Variants in RALGAPA1 observed in about 807,000 individuals in gnomAD.
The protein encoded by RALGAPA1 is Ral GTPase activating protein catalytic subunit alpha 1, also known as ral GTPase-activating protein subunit alpha-1.
In RALGAPA1, 52 loss-of-function variants were observed where a neutral mutation model predicts 269.6. The ratio of observed to expected loss-of-function variants is 0.19; its 90% CI spans 0.15 to 0.24. The LOEUF (loss-of-function observed/expected upper bound fraction) is 0.24, where lower values mean the gene tolerates loss of function less well. RALGAPA1 is among the 10% of genes least tolerant of loss of function. The probability of loss-of-function intolerance (pLI) is 1.00; values close to 1 mark genes in which losing one functional copy is unlikely to be tolerated. For missense variants in RALGAPA1, 1,917 were observed against 3,013.9 expected (o/e 0.64, Z 8.52); for synonymous variants, 817 against 1,008.3 (o/e 0.81, Z 3.60).
rs1053643046 is a variant in RALGAPA1 at position 35,689,202 on chromosome 14, T to G, written c.3209A>C (p.Glu1070Ala). ...TGTTACATCAACACAAGCATCTAAT[T>G]CTGTGGCTGCTTGTCTGTACAGATG... ...RKHLYRQAAT[E>A]LDACVDVTLV... Residue 1070 changes from glutamate to alanine, a missense_variant, in exon 18 of 42, where the codon GAA (glutamate) becomes GCA (alanine). By Grantham distance (107) the Glu-to-Ala change is moderately radical. This residue lies in a region of RALGAPA1 where 615 missense variants were observed against 790.0 expected (regional missense o/e 0.78). Coordinates refer to ENST00000680220, the MANE Select transcript of RALGAPA1 (RefSeq NM_001346249.2). 1.1e-5 allele frequency: 13 copies of G among 1,232,994 alleles called. No homozygotes were observed. The highest frequency in any genetic ancestry group is 1.3e-5 in the Non-Finnish European group (13 of 988,628). The allele number at this position is 1,232,994 out of a possible 1,614,324, so 76.4% of individuals were successfully genotyped here. A position where few individuals can be genotyped will look rare whatever the true frequency, so the allele number is the denominator to read the frequency against.
At chr14:35,547,707 G>C (rs748320665) in intron 41 of RALGAPA1, among the ~76,000 whole-genome samples, 4 of 152,036 alleles carry the variant, frequency 2.6e-5, no homozygotes, top group Non-Finnish European at 5.9e-5. Flanking sequence ...ATTTTGGATA[G>C]TGTCAATCCA....
At chr14:35,693,233 A>G (rs1274553161) in intron 17 of RALGAPA1, among the ~76,000 whole-genome samples, 1 of 151,902 alleles carries the variant, frequency 6.6e-6, no homozygotes, top group African/African-American at 2.4e-5. Flanking sequence ...TAAACAAAAA[A>G]GAATTTTAAA....
intron 17 of RALGAPA1, among the ~76,000 whole-genome samples, chr14:35,698,903 C>T (rs757071346): frequency 7.2e-5 from 11 of 152,114 alleles, no homozygotes; most frequent in Non-Finnish European, 1.3e-4. Flanking sequence ...TGTAGCTAAG[C>T]ATCATACGTA....
At chr14:35,716,530 T>C (rs888430524) in intron 16 of RALGAPA1, among the ~76,000 whole-genome samples, 2 of 151,940 alleles carry the variant, frequency 1.3e-5, no homozygotes, top group African/African-American at 2.4e-5. Context: ...TTATATACCA[T>C]TATATACCTA....
At chr14:35,576,136 C>A (rs1325742878) in intron 37 of RALGAPA1, among the ~76,000 whole-genome samples, 1 of 152,108 alleles carries the variant, frequency 6.6e-6, no homozygotes, top group African/African-American at 2.4e-5. Context: ...GGGTTATTGT[C>A]TCAGTTTACT....
At chr14:35,556,133 T>C (rs2055578487) in intron 39 of RALGAPA1, among the ~76,000 whole-genome samples, 1 of 152,144 alleles carries the variant, frequency 6.6e-6, no homozygotes. Flanking sequence ...GGCAATATCA[T>C]TACACAGGGT....
chr14:35,751,949 C>T, intron 8 of RALGAPA1, 75 bp downstream of exon 8: 1 of 1,517,882 alleles, frequency 6.6e-7, no homozygotes, highest in Non-Finnish European at 8.8e-7. Context: ...CCTGCAGTAA[C>T]AAATGCCAAC....
intron 4 of RALGAPA1, among the ~76,000 whole-genome samples, chr14:35,768,450 G>A (rs1048365726): frequency 2.6e-5 from 4 of 152,148 alleles, no homozygotes; most frequent in African/African-American, 9.7e-5. Context: ...AGCACTTTGG[G>A]AGGTTGGGGT....
At chr14:35,595,989 G>T (rs994763470) in intron 36 of RALGAPA1, among the ~76,000 whole-genome samples, 200 bp from the exon 37 acceptor site, 2 of 152,012 alleles carry the variant, frequency 1.3e-5, no homozygotes, top group Non-Finnish European at 2.9e-5. Flanking sequence ...TAATTAGTAG[G>T]AGTTAACCAG....
intron 1 of RALGAPA1, among the ~76,000 whole-genome samples, chr14:35,805,002 C>G (rs2077254013): frequency 6.6e-6 from 1 of 151,692 alleles, no homozygotes; most frequent in South Asian, 2.1e-4. Flanking sequence ...GAAAAAGAAA[C>G]CAAGGCCAGG....
chr14:35,801,428 C>T (rs921800327), intron 1 of RALGAPA1, among the ~76,000 whole-genome samples: 1 of 152,062 alleles, frequency 6.6e-6, no homozygotes, highest in Non-Finnish European at 1.5e-5. Flanking sequence ...GCCACAAGGT[C>T]CAGCTACTTT....
rs2141262851 is a variant in RALGAPA1, at chr14:35,752,044, C to T, written c.782G>A (p.Ser261Asn). ...CCTACCAAGTATAGGATGATATAAA[C>T]TGTTTTCCTTACAGATGTTTGGAAA... Reference protein sequence around the residue: ...YIFPNICKENSLYHPILDIPQ... With the variant: ...YIFPNICKENNLYHPILDIPQ... Residue 261 changes from serine to asparagine, a missense_variant, in exon 8 of 42, where the codon AGT (serine) becomes AAT (asparagine). Around this residue, in one of 11 missense-constraint regions of RALGAPA1, gnomAD observed 462 missense variants for 725.6 expected, o/e 0.64. Transcript: ENST00000680220. 2 of 1,582,466 alleles carry T rather than the reference C, an allele frequency of 1.3e-6. No individual in the cohort carries two copies. The highest frequency in any genetic ancestry group is 1.4e-5 in the African/African-American group (1 of 73,282).
intron 33 of RALGAPA1, among the ~76,000 whole-genome samples, chr14:35,631,446 G>T (rs959712156): frequency 4.0e-5 from 6 of 151,866 alleles, no homozygotes; most frequent in African/African-American, 1.5e-4. Flanking sequence ...AGACTAAACC[G>T]AATTTTAAAT....
intron 36 of RALGAPA1, among the ~76,000 whole-genome samples, chr14:35,597,823 G>A (rs1040472390): frequency 2.0e-5 from 3 of 152,116 alleles, no homozygotes; most frequent in Admixed American, 6.5e-5. Flanking sequence ...CAAGTGTTTG[G>A]AGATTTTCCT....
intron 13 of RALGAPA1, among the ~76,000 whole-genome samples, chr14:35,726,661 C>CA (rs2069941252): frequency 6.6e-6 from 1 of 151,878 alleles, no homozygotes. Context: ...AAAAACCTCC[C>CA]AAAATGCTAT....
chr14:35,665,405 C>G (rs560834530), intron 26 of RALGAPA1, among the ~76,000 whole-genome samples: 1 of 152,308 alleles, frequency 6.6e-6, no homozygotes, highest in East Asian at 1.9e-4. Flanking sequence ...CACCAAACAT[C>G]AACATCTTCC....
chr14:35,566,881 ATATT>A (rs1281392007), intron 39 of RALGAPA1, among the ~76,000 whole-genome samples: 1 of 144,012 alleles, frequency 6.9e-6, no homozygotes, highest in Non-Finnish European at 1.5e-5. Flanking sequence ...ATATATATAT[ATATT>A]TGTACTATAT....
intron 17 of RALGAPA1, among the ~76,000 whole-genome samples, chr14:35,690,840 T>G (rs1034818841): frequency 6.6e-6 from 1 of 151,928 alleles, no homozygotes; most frequent in Non-Finnish European, 1.5e-5. Flanking sequence ...GAGGCTGAGG[T>G]GGGCAGATCA....
chr14:35,555,933 T>A (rs367833726), intron 39 of RALGAPA1, among the ~76,000 whole-genome samples: 61 of 152,216 alleles, frequency 4.0e-4, no homozygotes, highest in African/African-American at 1.4e-3. Flanking sequence ...ATTCTAAGAC[T>A]GGCAATTTTT....
Sources: allele counts gnomAD v4.1 joint callset (sites outside exome capture counted in the v4.1 genomes callset), GRCh38; gene constraint gnomAD v4.1.1; regional missense constraint gnomAD v4.1.1; transcripts MANE v1.5; gene names NCBI Gene and HGNC (gene_info 2026-07-23, HGNC 2026-07-21).